ADA: variants seen among roughly 807,000 people sequenced by gnomAD.
ADA encodes the protein adenosine deaminase.
In ADA, 45 loss-of-function variants were observed where a neutral mutation model predicts 49.0. That is an observed-to-expected ratio of 0.92 (90% CI 0.72 to 1.18). ADA has a LOEUF of 1.18. Ranked by LOEUF, ADA falls within the 50% of genes most tolerant of loss-of-function variation. ADA has a pLI of 0.00. For missense variants in ADA, 445 were observed against 472.5 expected, an observed-to-expected ratio of 0.94 and a Z score of 0.54; for synonymous variants, 173 against 184.2, an observed-to-expected ratio of 0.94 and a Z score of 0.49.
intron 2 of ADA, among the ~76,000 whole-genome samples, chr20:44,630,206 G>A (rs1177666175): frequency 1.3e-5 from 2 of 151,946 alleles, no homozygotes; most frequent in Non-Finnish European, 2.9e-5. Flanking sequence ...TTAGTTGGGT[G>A]TGGTGGTGTG....
intron 1 of ADA, among the ~76,000 whole-genome samples, chr20:44,640,945 G>T (rs1192198822): frequency 7.9e-5 from 12 of 151,918 alleles, no homozygotes; most frequent in African/African-American, 2.4e-4. Context: ...CCTTCAGTGG[G>T]CATGTGGCTC....
At chr20:44,623,105 G>A (rs749723335) in intron 6 of ADA, 27 bp from the exon 7 acceptor site, 11 of 1,613,426 alleles carry the variant, frequency 6.8e-6, no homozygotes, top group Admixed American at 6.7e-5. Context: ...CAGGTCATGG[G>A]TGCCCTAGCG....
chr20:44,637,995 C>T (rs1159576133), intron 1 of ADA, among the ~76,000 whole-genome samples: 1 of 152,230 alleles, frequency 6.6e-6, no homozygotes, highest in African/African-American at 2.4e-5. Context: ...CCTCAACTCT[C>T]TGAGCCTCTG....
At position 44,632,190 on chromosome 20, in the gene ADA, T is replaced by C. The variant is rs201480774; in HGVS notation, c.96-3021A>G. 2.0e-5 allele frequency among the ~76,000 whole-genome samples: 3 copies of C among 152,012 alleles called. No homozygotes were observed. In the East Asian group the frequency reaches 5.8e-4, roughly 29 times the overall value. On this transcript the variant is annotated intron_variant, in intron 2 of 11. Transcript: ENST00000372874. ...AGAAGCCTTGGGGTGGGGGCAGTTC[T>C]GGGCAGGGGAGGGGTCTGTACTAAA...
In ADA at chr20:44,638,893, C is replaced by T. The variant is rs113489566; in HGVS notation, c.34-2605G>A. Reference sequence around the variant, plus strand: ...GAACCCACAACACAAGGCAGGGGTGCGGAGGGAGGCAGGAAGAAAATTCCA... The same window carrying T: ...GAACCCACAACACAAGGCAGGGGTGTGGAGGGAGGCAGGAAGAAAATTCCA... On this transcript the variant is annotated intron_variant, in intron 1 of 11. Coordinates refer to ENST00000372874, the MANE Select transcript of ADA (RefSeq NM_000022.4). Among the ~76,000 whole-genome samples, 1,516 of 152,144 alleles carry T rather than the reference C, an allele frequency of 1.0e-2. 30 individuals are homozygous for T. Among genetic ancestry groups the T allele is most frequent in the African/African-American group, 0.034 (1,393 of 41,480 alleles).
chr20:44,647,178 T>TA (rs1342069828), intron 1 of ADA, among the ~76,000 whole-genome samples: 1 of 152,104 alleles, frequency 6.6e-6, no homozygotes, highest in African/African-American at 2.4e-5. Context: ...CTCATGCCTG[T>TA]AATCCCGGCA....
intron 9 of ADA, among the ~76,000 whole-genome samples, chr20:44,621,998 C>T (rs1386028961): frequency 6.6e-6 from 1 of 152,198 alleles, no homozygotes; most frequent in Non-Finnish European, 1.5e-5. Context: ...TGGATAAGTG[C>T]TGGCCTGACC....
chr20:44,632,598 C>A (rs367819350), intron 2 of ADA, among the ~76,000 whole-genome samples: 31 of 152,322 alleles, frequency 2.0e-4, no homozygotes, highest in African/African-American at 7.2e-4. Context: ...AAAGTTGAAG[C>A]AGGAAAGAGC....
intron 1 of ADA, among the ~76,000 whole-genome samples, chr20:44,644,398 A>T (rs553713720): frequency 2.0e-4 from 30 of 152,140 alleles, no homozygotes; most frequent in Non-Finnish European, 3.4e-4. Flanking sequence ...TCCCTGTCCC[A>T]TGTCAGCAAT....
At chr20:44,628,503 G>C in intron 3 of ADA, among the ~76,000 whole-genome samples, 1 of 151,324 alleles carries the variant, frequency 6.6e-6, no homozygotes, top group Non-Finnish European at 1.5e-5. Flanking sequence ...TTCAGCCTGG[G>C]CAACAGAGTG....
At chr20:44,621,193 C>A (rs746970094) in intron 9 of ADA, 46 bp from the exon 10 acceptor site, 1 of 1,613,304 alleles carries the variant, frequency 6.2e-7, no homozygotes, top group South Asian at 1.1e-5. Context: ...TTTACTCTTA[C>A]ATAAATAGTC....
chr20:44,647,521 T>G (rs1169369911), intron 1 of ADA, among the ~76,000 whole-genome samples: 2 of 152,114 alleles, frequency 1.3e-5, no homozygotes, highest in Non-Finnish European at 2.9e-5. Context: ...TCAGATTTTG[T>G]GTAGCCCTGG....
chr20:44,642,859 A>C (rs186816097), intron 1 of ADA, among the ~76,000 whole-genome samples: 12 of 152,330 alleles, frequency 7.9e-5, no homozygotes, highest in African/African-American at 2.9e-4. Flanking sequence ...GCCGGGGTGC[A>C]GAAGCTAGGG....
At chr20:44,627,883 A>G (rs1366250834) in intron 3 of ADA, among the ~76,000 whole-genome samples, 2 of 152,256 alleles carry the variant, frequency 1.3e-5, no homozygotes, top group Non-Finnish European at 2.9e-5. Context: ...ACCTAGGTCA[A>G]GGAGTTATTG....
chr20:44,650,642 C>T (rs2065635803), intron 1 of ADA, among the ~76,000 whole-genome samples: 1 of 152,076 alleles, frequency 6.6e-6, no homozygotes, highest in Non-Finnish European at 1.5e-5. Flanking sequence ...TTTTGTTGTC[C>T]AGGCTAGTCT....
At chr20:44,644,085 C>G (rs533586681) in intron 1 of ADA, among the ~76,000 whole-genome samples, 1 of 147,374 alleles carries the variant, frequency 6.8e-6, no homozygotes, top group East Asian at 2.3e-4. Context: ...GGCCGTCTAC[C>G]TCCAAGGCAA....
intron 3 of ADA, among the ~76,000 whole-genome samples, chr20:44,628,077 C>T (rs903182192): frequency 3.9e-5 from 6 of 152,154 alleles, no homozygotes; most frequent in African/African-American, 1.4e-4. Flanking sequence ...CTGGAAGTTC[C>T]CACCATGAAG....
At chr20:44,643,016 A>C (rs758269806) in intron 1 of ADA, among the ~76,000 whole-genome samples, 11 of 152,130 alleles carry the variant, frequency 7.2e-5, no homozygotes, top group East Asian at 1.9e-4. Flanking sequence ...CAGAGGCAGG[A>C]AGCCACCTCC....
chr20:44,647,143 G>A (rs913221491), intron 1 of ADA, among the ~76,000 whole-genome samples: 2 of 152,054 alleles, frequency 1.3e-5, no homozygotes, highest in African/African-American at 4.8e-5. Context: ...TTTAGAAACT[G>A]CTGTCCCTTG....
Sources: gnomAD v4.1 joint callset for allele counts (sites outside exome capture counted in the v4.1 genomes callset) on GRCh38, gnomAD v4.1.1 for gene constraint, MANE v1.5 for transcripts, NCBI Gene and HGNC (gene_info 2026-07-23, HGNC 2026-07-21) for gene names.